Variants in KCTD1 observed in about 807,000 individuals in gnomAD.
KCTD1 encodes potassium channel tetramerization domain containing 1, also known as BTB/POZ domain-containing protein KCTD1.
In KCTD1, 24 loss-of-function variants were observed where a neutral mutation model predicts 66.0. The observed-to-expected ratio is 0.36, with a 90% CI of 0.26 to 0.51. KCTD1 has a LOEUF of 0.51. Ranked by LOEUF, KCTD1 falls within the 20% of genes least tolerant of loss-of-function variation. The pLI, the probability that KCTD1 is intolerant of heterozygous loss-of-function variation, is 0.95. For synonymous variants in KCTD1, 511 were observed against 517.2 expected, an observed-to-expected ratio of 0.99 and a Z score of 0.16; for missense variants, 943 against 1,205.2, an observed-to-expected ratio of 0.78 and a Z score of 3.22.
rs113739632 is a variant in KCTD1 at position 26,583,349 on chromosome 18, G to A, written c.-16+45798C>T. On this transcript the variant is annotated intron_variant, in intron 1 of 4. Coordinates refer to the KCTD1 transcript ENST00000317932. ...GCGAAGGTTGCAGTAAGCTGAGATC[G>A]CATAATTGCACGCCAATCTGGGTGA... Among the ~76,000 whole-genome samples the A allele has an allele frequency of 6.0e-5, 8 of 133,248 alleles. No homozygotes were observed. In the East Asian group the frequency reaches 1.8e-3, roughly 31 times the overall value. The allele number at this position is 133,248 out of a possible 152,430, so 87.4% of individuals were successfully genotyped here.
intron 1 of KCTD1, among the ~76,000 whole-genome samples, chr18:26,587,036 A>G (rs938102722): frequency 2.6e-5 from 4 of 152,216 alleles, no homozygotes; most frequent in African/African-American, 4.8e-5. Context: ...CAGATTTTCA[A>G]TGCAGATAAA....
intron 1 of KCTD1, among the ~76,000 whole-genome samples, chr18:26,535,943 C>T (rs1425565666): frequency 1.4e-5 from 2 of 146,968 alleles, no homozygotes; most frequent in African/African-American, 2.5e-5. Context: ...TACTTATTTG[C>T]CTCCCCCACA....
intron 1 of KCTD1, among the ~76,000 whole-genome samples, chr18:26,558,300 A>G (rs540699557): frequency 6.6e-6 from 1 of 152,378 alleles, no homozygotes; most frequent in East Asian, 1.9e-4. Context: ...AAAGACAGGC[A>G]ATAACAAATG....
chr18:26,491,287 T>A (rs1265655012), intron 2 of KCTD1, among the ~76,000 whole-genome samples: 1 of 152,158 alleles, frequency 6.6e-6, no homozygotes, highest in South Asian at 2.1e-4. Flanking sequence ...CCTCCCAGCC[T>A]GGAGAGCAGC....
Position 26,548,110 on chromosome 18 carries a change from G to T in KCTD1, c.427C>A (p.Arg143=), listed in dbSNP as rs1346782374. 12 of 1,310,150 alleles carry T rather than the reference G, an allele frequency of 9.2e-6. No homozygotes were observed. Among genetic ancestry groups the T allele is most frequent in the Non-Finnish European group, 1.1e-5 (11 of 1,039,050 alleles). 81.2% of individuals were successfully genotyped at this position (1,310,150 alleles called of 1,614,324 possible). A position where few individuals can be genotyped will look rare whatever the true frequency, so the allele number is the denominator to read the frequency against. Residue 143 remains arginine (R), a synonymous_variant, in exon 1 of 5, where the codon CGG becomes AGG. Transcript: ENST00000580059. The part of the protein sequence containing the change: ...PEAPPRLLAP[R]ARGGPPGDGS... ...TCCCCGGGCGGCCCACCGCGGGCCC[G>T]GGGCGCCAGCAGTCGCGGCGGCGCC...
At chr18:26,655,502 G>A (rs1201802783) in intron 1 of KCTD1, among the ~76,000 whole-genome samples, 1 of 152,116 alleles carries the variant, frequency 6.6e-6, no homozygotes, top group Non-Finnish European at 1.5e-5. Context: ...CTTGAAAGCA[G>A]CCAGTTCTAT....
Position 26,548,006 on chromosome 18 carries a change from G to T in KCTD1, c.531C>A (p.Arg177=). The change falls in exon 1 of 5, where the codon CGC becomes CGA. Residue 177 remains arginine, a synonymous_variant. Coordinates refer to ENST00000580059, the MANE Select transcript of KCTD1 (RefSeq NM_001142730.3). ...RLSENTRLAT[R]YAVRIFREYL... ...ACTCCCGGAAGATGCGCACGGCGTA[G>T]CGGGTGGCCAGCCGGGTGTTCTCGC... The T allele has an allele frequency of 6.5e-7, 1 of 1,532,222 alleles. No homozygotes were observed. The highest frequency in any genetic ancestry group is 8.8e-7 in the Non-Finnish European group (1 of 1,142,104). 94.9% of individuals were successfully genotyped at this position (1,532,222 alleles called of 1,614,324 possible).
rs1235734521 is a variant in KCTD1, at chr18:26,468,339, T to C, written c.2133+8176A>G. The stretch of plus-strand genomic sequence containing the variant: ...GCCACTTAAATGGTGTTCTGAAATA[T>C]GAAATTATCTCAAAGATGAAATGGG... On this transcript the variant is annotated intron_variant, in intron 3 of 4. Transcript: ENST00000580059. This position sits in a 1 kb window ranked among gnomAD's most constrained non-coding sequence, Gnocchi z 4.8. 2.0e-5 allele frequency among the ~76,000 whole-genome samples: 3 copies of C among 152,328 alleles called. No homozygotes were observed. Among genetic ancestry groups the C allele is most frequent in the African/African-American group, 2.4e-5 (1 of 41,574 alleles).
chr18:26,610,596 A>AT (rs1302984148), intron 1 of KCTD1, among the ~76,000 whole-genome samples: 7 of 138,830 alleles, frequency 5.0e-5, no homozygotes, highest in Non-Finnish European at 7.9e-5. Flanking sequence ...AGAGAAAGAA[A>AT]GGAAGGAAGG....
intron 1 of KCTD1, among the ~76,000 whole-genome samples, chr18:26,534,383 G>A: frequency 6.6e-6 from 1 of 151,758 alleles, no homozygotes; most frequent in Non-Finnish European, 1.5e-5. Flanking sequence ...TTTATTATTT[G>A]TCTCTTGATT....
Position 26,460,616 on chromosome 18 carries a change from A to G in KCTD1, c.2134-691T>C, listed in dbSNP as rs570509544. ...TGTGCCACCTGATGGAGCTGCCATC[A>G]TAGAGTCAGAGACATAAACAACTTT... is the stretch of plus-strand genomic sequence containing the variant. On this transcript the variant is annotated intron_variant, in intron 3 of 4. Coordinates refer to ENST00000580059, the MANE Select transcript of KCTD1 (RefSeq NM_001142730.3). 7.2e-5 allele frequency among the ~76,000 whole-genome samples: 11 copies of G among 152,352 alleles called. No individual in the cohort carries two copies. The South Asian group carries it at 1.9e-3, about 26-fold the overall frequency.
chr18:26,521,823 G>A (rs1353930097), intron 1 of KCTD1, among the ~76,000 whole-genome samples: 2 of 152,154 alleles, frequency 1.3e-5, no homozygotes, highest in Non-Finnish European at 2.9e-5. Flanking sequence ...TGGGACATGG[G>A]AGGGGAGCTG....
At chr18:26,595,212 C>T (rs1598958486) in intron 1 of KCTD1, among the ~76,000 whole-genome samples, 1 of 152,172 alleles carries the variant, frequency 6.6e-6, no homozygotes, top group Non-Finnish European at 1.5e-5. Context: ...CTACCCCCTA[C>T]CCCATTCCTG....
chr18:26,601,346 A>AAAAAG (rs1555646209), intron 1 of KCTD1, among the ~76,000 whole-genome samples: 1 of 150,724 alleles, frequency 6.6e-6, no homozygotes. Flanking sequence ...AAAAAAAAAA[A>AAAAAG]AAAGAAAGAA....
chr18:26,582,401 ATT>A (rs1986376094), intron 1 of KCTD1, among the ~76,000 whole-genome samples: 1 of 152,220 alleles, frequency 6.6e-6, no homozygotes, highest in South Asian at 2.1e-4. Flanking sequence ...TAAATGAGTT[ATT>A]GTTTTTCCAC....
chr18:26,504,821 C>G (rs1315003771), intron 1 of KCTD1, among the ~76,000 whole-genome samples: 4 of 152,246 alleles, frequency 2.6e-5, no homozygotes, highest in Non-Finnish European at 5.9e-5. Context: ...GTGGCAACCT[C>G]TTCCTTGGCC....
At chr18:26,645,815 G>A (rs531321655) in intron 1 of KCTD1, among the ~76,000 whole-genome samples, 3 of 152,210 alleles carry the variant, frequency 2.0e-5, no homozygotes, top group Admixed American at 6.5e-5. Context: ...TTGGGAACCT[G>A]CTAGAAATGC....
intron 1 of KCTD1, chr18:26,544,841 A>T (rs146867507): frequency 3.9e-5 from 6 of 152,374 alleles, no homozygotes; most frequent in African/African-American, 1.4e-4. Flanking sequence ...TTTAACTAAC[A>T]GGGACTTGGA....
intron 1 of KCTD1, among the ~76,000 whole-genome samples, chr18:26,558,060 G>A (rs1985750234): frequency 2.0e-5 from 3 of 152,196 alleles, no homozygotes; most frequent in Non-Finnish European, 2.9e-5. Context: ...CTCAGACATC[G>A]GGAGAACATT....
Sources: allele counts gnomAD v4.1 joint callset (sites outside exome capture counted in the v4.1 genomes callset), GRCh38; gene constraint gnomAD v4.1.1; non-coding constraint Gnocchi (gnomAD v3.1); transcripts MANE v1.5; gene names NCBI Gene and HGNC (gene_info 2026-07-23, HGNC 2026-07-21).